Variants in COL24A1 observed in about 807,000 individuals in gnomAD.
COL24A1 encodes the protein collagen alpha-1(XXIV) chain.
A neutral mutation model predicts 253.9 loss-of-function variants in COL24A1; 224 were observed. That is an observed-to-expected ratio of 0.88 (90% CI 0.79 to 0.99). The LOEUF is 0.99. COL24A1 is among the 50% of genes least tolerant of loss of function. The pLI is 0.00. For missense variants in COL24A1, 2,131 were observed against 2,068.5 expected (o/e 1.03, Z -0.59); for synonymous variants, 685 against 673.7 (o/e 1.02, Z -0.26).
chr1:85,786,191 A>C (rs74097090), intron 48 of COL24A1, among the ~76,000 whole-genome samples, 163 bp downstream of exon 48: 3,157 of 152,282 alleles, frequency 0.021, 98 homozygotes, highest in African/African-American at 0.072. Context: ...TGGGAGATGG[A>C]TATGTCAAAA....
intron 5 of COL24A1, among the ~76,000 whole-genome samples, 157 bp downstream of exon 5, chr1:86,112,410 C>T (rs1705704287): frequency 1.3e-5 from 2 of 152,118 alleles, no homozygotes; most frequent in Admixed American, 1.3e-4. Context: ...TAGCTCTCTG[C>T]CAGGCTAAGA....
At chr1:86,068,887 C>T (rs1382754847) in intron 7 of COL24A1, among the ~76,000 whole-genome samples, 2 of 152,070 alleles carry the variant, frequency 1.3e-5, no homozygotes, top group Non-Finnish European at 2.9e-5. Context: ...AAGGGAACTT[C>T]CTGCTTTGAA....
Position 85,971,380 on chromosome 1 carries a change from T to C in COL24A1, c.2378A>G (p.Asn793Ser). Residue 793 changes from asparagine to serine, a missense_variant, in exon 21 of 60, where the codon AAT (asparagine) becomes AGT (serine). Asn to Ser is a conservative substitution (Grantham distance 46). Transcript: ENST00000370571. ...GPEGPKGLLG[N>S]RGPPGPPGLK... ...ACCAGGAGGTCCAGGAGGTCCTCTA[T>C]TTCCAAGGAGTCCCTATAAAAGCAA... 3.1e-6 allele frequency: 5 copies of C among 1,612,170 alleles called. No individual in the cohort carries two copies. The highest frequency in any genetic ancestry group is 1.7e-4 in the Middle Eastern group (1 of 6,050).
intron 37 of COL24A1, among the ~76,000 whole-genome samples, chr1:85,851,644 G>A (rs1342949097): frequency 6.6e-6 from 1 of 152,092 alleles, no homozygotes; most frequent in East Asian, 1.9e-4. Flanking sequence ...GCAGAATGAT[G>A]TTATCATTTC....
intron 19 of COL24A1, among the ~76,000 whole-genome samples, chr1:85,993,362 AAT>A (rs1202200129): frequency 6.6e-6 from 1 of 152,078 alleles, no homozygotes; most frequent in South Asian, 2.1e-4. Context: ...AACTAATTAC[AAT>A]ATATCCATAA....
At chr1:85,973,497 A>G (rs1329291556) in intron 20 of COL24A1, among the ~76,000 whole-genome samples, 2 of 152,188 alleles carry the variant, frequency 1.3e-5, no homozygotes, top group East Asian at 3.8e-4. Flanking sequence ...GTATTGAGTT[A>G]TGATAGGCTA....
chr1:85,944,951 G>A (rs1237428530), intron 24 of COL24A1, among the ~76,000 whole-genome samples: 2 of 128,834 alleles, frequency 1.6e-5, no homozygotes, highest in African/African-American at 5.8e-5. Context: ...TGGCTGCATA[G>A]TATTCCATGG....
rs753956470 is a variant in COL24A1 at position 86,089,223 on chromosome 1, T to A, written c.1658A>T (p.Asp553Val). The part of the protein sequence containing the change: ...PGQPVPGEKG[D>V]QGLSGLMGPP... ...GCCCATTAATCCAGAAAGGCCTTGA[T>A]CACCCTATAAACAAAATACAGACGT... The change falls in exon 7 of 60, where the codon GAT (aspartate) becomes GTT (valine). Residue 553 changes from aspartate to valine, a missense_variant. By Grantham distance (152) the Asp-to-Val change is radical. Transcript: ENST00000370571. The A allele has an allele frequency of 1.3e-6, 2 of 1,586,732 alleles. No homozygotes were observed. Among genetic ancestry groups the A allele is most frequent in the South Asian group, 1.2e-5 (1 of 85,056 alleles).
intron 28 of COL24A1, among the ~76,000 whole-genome samples, chr1:85,899,407 G>A (rs1041310438): frequency 5.3e-5 from 8 of 152,090 alleles, no homozygotes; most frequent in African/African-American, 1.9e-4. Flanking sequence ...TGAGTAATTG[G>A]TAGAAGATAA....
intron 11 of COL24A1, among the ~76,000 whole-genome samples, chr1:86,048,604 C>T (rs1700083691): frequency 6.6e-6 from 1 of 151,940 alleles, no homozygotes; most frequent in Non-Finnish European, 1.5e-5. Flanking sequence ...CATTCTCCTG[C>T]CTCAGCCTCC....
At chr1:85,764,749 C>G (rs1667195048) in intron 53 of COL24A1, among the ~76,000 whole-genome samples, 1 of 151,984 alleles carries the variant, frequency 6.6e-6, no homozygotes, top group Admixed American at 6.6e-5. Flanking sequence ...AGACTTTTAT[C>G]AATTTTCTTC....
chr1:86,150,599 C>T (rs556657595), intron 1 of COL24A1, among the ~76,000 whole-genome samples: 27 of 151,496 alleles, frequency 1.8e-4, no homozygotes, highest in African/African-American at 6.5e-4. Flanking sequence ...TTTTAGCTTT[C>T]TTGTCTCTGA....
intron 41 of COL24A1, 43 bp from the exon 42 acceptor site, chr1:85,841,321 A>G: frequency 3.0e-6 from 4 of 1,349,082 alleles, no homozygotes; most frequent in Non-Finnish European, 4.1e-6. Context: ...CAATAAATAA[A>G]ATAAACATCA....
At chr1:85,927,060 G>C (rs1194802334) in intron 24 of COL24A1, among the ~76,000 whole-genome samples, 1 of 152,114 alleles carries the variant, frequency 6.6e-6, no homozygotes, top group African/African-American at 2.4e-5. Flanking sequence ...TTAAGAATGT[G>C]TGTAGGGGGA....
In COL24A1 at chr1:86,117,488, T is replaced by C. The variant is rs868088524; in HGVS notation, c.1492-2110A>G. Among the ~76,000 whole-genome samples the C allele has an allele frequency of 3.3e-5, 5 of 152,202 alleles. No homozygotes were observed. In the South Asian group the frequency reaches 6.2e-4, roughly 19 times the overall value. Reference sequence around the variant, plus strand: ...TATAGTGTATAAGCCTCCTAGTTTATGGCATTTTGTTACAGCAGCCTGAAC... The same window carrying C: ...TATAGTGTATAAGCCTCCTAGTTTACGGCATTTTGTTACAGCAGCCTGAAC... On this transcript the variant is annotated intron_variant, in intron 3 of 59. Transcript: ENST00000370571.
chr1:85,811,253 C>A (rs1166465127), intron 47 of COL24A1, among the ~76,000 whole-genome samples: 1 of 152,100 alleles, frequency 6.6e-6, no homozygotes, highest in Admixed American at 6.5e-5. Context: ...TTTCTACTAA[C>A]TATTATGCAT....
intron 14 of COL24A1, among the ~76,000 whole-genome samples, chr1:86,030,897 C>G (rs1027275445): frequency 6.6e-6 from 1 of 152,038 alleles, no homozygotes; most frequent in South Asian, 2.1e-4. Flanking sequence ...CATGCCTAGC[C>G]GTGACTTCTT....
intron 47 of COL24A1, among the ~76,000 whole-genome samples, chr1:85,814,258 T>C (rs1672850772): frequency 6.6e-6 from 1 of 152,174 alleles, no homozygotes; most frequent in Non-Finnish European, 1.5e-5. Context: ...GTATTCTAGA[T>C]AGAGCCAGTG....
intron 3 of COL24A1, 48 bp downstream of exon 3, chr1:86,124,797 A>T: frequency 7.3e-7 from 1 of 1,378,268 alleles, no homozygotes; most frequent in Non-Finnish European, 9.7e-7. Context: ...AAGAGAGTTT[A>T]AAATGTAAGT....
Sources: gnomAD v4.1 joint callset for allele counts (sites outside exome capture counted in the v4.1 genomes callset) on GRCh38, gnomAD v4.1.1 for gene constraint, MANE v1.5 for transcripts, NCBI Gene and HGNC (gene_info 2026-07-23, HGNC 2026-07-21) for gene names.